Variants in ACO2 observed in about 807,000 individuals in gnomAD.
ACO2 encodes aconitate hydratase, mitochondrial.
A neutral mutation model predicts 84.5 loss-of-function variants in ACO2; 31 were observed. The ratio of observed to expected loss-of-function variants is 0.37; its 90% confidence interval spans 0.28 to 0.50. The LOEUF is 0.50. ACO2 is among the 20% of genes least tolerant of loss of function. The pLI is 0.97. For missense variants in ACO2, 685 were observed against 1,029.3 expected, an observed-to-expected ratio of 0.67 and a Z score of 4.58; for synonymous variants, 414 against 412.7, an observed-to-expected ratio of 1.00 and a Z score of -0.04.
chr22:41,484,365 T>C (rs2038125403), intron 1 of ACO2, among the ~76,000 whole-genome samples: 1 of 152,050 alleles, frequency 6.6e-6, no homozygotes. Flanking sequence ...CTTGGAGTCA[T>C]TGAGTATTAG....
intron 1 of ACO2, among the ~76,000 whole-genome samples, chr22:41,477,151 TA>T (rs1350179317): frequency 1.1e-3 from 161 of 149,522 alleles, no homozygotes; most frequent in African/African-American, 3.8e-3. Flanking sequence ...TTTATTTATT[TA>T]TTTATTTATT....
chr22:41,528,405 C>T (rs2066649029), intron 17 of ACO2, 74 bp from the exon 18 acceptor site: 2 of 1,568,136 alleles, frequency 1.3e-6, no homozygotes, highest in African/African-American at 1.4e-5. Context: ...AGTGCCCTGT[C>T]TCCCTGACCC....
At chr22:41,497,699 A>G (rs1231563882) in intron 1 of ACO2, among the ~76,000 whole-genome samples, 2 of 151,862 alleles carry the variant, frequency 1.3e-5, no homozygotes, top group African/African-American at 4.8e-5. Context: ...CCTGACCAAT[A>G]TGTAGAAACT....
At position 41,509,611 on chromosome 22, in the gene ACO2, C is replaced by T. The variant is rs534278506; in HGVS notation, c.432+1562C>T. Among the ~76,000 whole-genome samples the T allele has an allele frequency of 2.0e-5, 3 of 152,148 alleles. No homozygotes were observed. In the South Asian group the frequency reaches 6.2e-4, roughly 32 times the overall value. On this transcript the variant is annotated intron_variant, in intron 3 of 17. Transcript: ENST00000216254. Reference sequence around the variant, plus strand: ...TGGAGGAAGAACATGCTAGAAAGAACAGCATTTGCAAAGACCCTGAGCCAG... The same window carrying T: ...TGGAGGAAGAACATGCTAGAAAGAATAGCATTTGCAAAGACCCTGAGCCAG...
intron 17 of ACO2, 196 bp downstream of exon 17, chr22:41,528,218 C>T: frequency 1.1e-6 from 1 of 899,090 alleles, no homozygotes; most frequent in Middle Eastern, 3.5e-4. Context: ...GGGGCCCTCA[C>T]ACCTCCCCAA....
chr22:41,476,407 T>TAA lies in ACO2; in HGVS notation c.36+7242_36+7243dup, dbSNP rs760179812. Among the ~76,000 whole-genome samples the TAA allele has an allele frequency of 2.0e-3, 231 of 113,624 alleles. 2 individuals carry two copies. Among genetic ancestry groups the TAA allele is most frequent in the African/African-American group, 7.0e-3 (215 of 30,542 alleles). The allele number at this position is 113,624 out of a possible 152,430, so 74.5% of individuals were successfully genotyped here. On this transcript the variant is annotated intron_variant, in intron 1 of 17. Coordinates refer to ENST00000216254, the MANE Select transcript of ACO2 (RefSeq NM_001098.3). ...GGGCAACAAGAATGAAACTCTGTCT[T>TAA]AAAAAAAAAAAAAAAAAAGGCCAGA... is the stretch of plus-strand genomic sequence containing the variant.
intron 9 of ACO2, 133 bp from the exon 10 acceptor site, chr22:41,522,697 T>G (rs544097119): frequency 1.0e-6 from 1 of 965,582 alleles, no homozygotes; most frequent in Non-Finnish European, 1.5e-6. Flanking sequence ...GCAACTGGTC[T>G]CTGTTAAAAA....
rs145576677 is a variant in ACO2 at position 41,519,436 on chromosome 22, G to T, written c.1033-735G>T. ...CTGACGGAGGTTTACTGCATGCTGC[G>T]CACATAGCTGAGTGCCTCGCATTTA... On this transcript the variant is annotated intron_variant, in intron 8 of 17. Coordinates refer to ENST00000216254, the MANE Select transcript of ACO2 (RefSeq NM_001098.3). Among the ~76,000 whole-genome samples the T allele has an allele frequency of 2.4e-4, 37 of 152,286 alleles. 1 individual carries two copies. The highest frequency in any genetic ancestry group is 2.2e-3 in the Admixed American group (34 of 15,296).
At chr22:41,525,043 T>A in intron 13 of ACO2, 75 bp downstream of exon 13, 2 of 1,610,664 alleles carry the variant, frequency 1.2e-6, no homozygotes, top group Non-Finnish European at 1.7e-6. Flanking sequence ...CAGCACCTCC[T>A]GTGCAGGCAG....
chr22:41,507,872 C>T lies in ACO2; in HGVS notation c.255C>T (p.Gly85=), dbSNP rs565805751. The stretch of plus-strand genomic sequence containing the variant: ...CCGCCAGCCAGGAAATTGAGCGAGG[C>T]AAGTCGTACCTGCGGCTGCGGCCGG... ...DDPASQEIER[G]KSYLRLRPDR... The change falls in exon 3 of 18, where the codon GGC becomes GGT. Residue 85 remains glycine (G), a synonymous_variant. Coordinates refer to ENST00000216254, the MANE Select transcript of ACO2 (RefSeq NM_001098.3). The T allele has an allele frequency of 5.6e-6, 9 of 1,614,234 alleles. No homozygotes were observed. Among genetic ancestry groups the T allele is most frequent in the Non-Finnish European group, 7.6e-6 (9 of 1,180,032 alleles).
At position 41,525,264 on chromosome 22, in the gene ACO2, C is replaced by A. The variant is rs1431017425; in HGVS notation, c.1677C>A (p.Ser559Arg). 1 of 1,614,044 alleles carries A rather than the reference C, an allele frequency of 6.2e-7. No homozygotes were observed. The highest frequency in any genetic ancestry group is 1.1e-5 in the South Asian group (1 of 91,082). The change falls in exon 14 of 18, where the codon AGC becomes AGA. Residue 559 changes from serine to arginine, a missense_variant. Physicochemically the swap from Ser to Arg is moderately radical, Grantham distance 110. Transcript: ENST00000216254. ...KDSSGQHVDV[S>R]PTSQRLQLLE... ...GCAGCGGGCAGCATGTGGACGTGAG[C>A]CCCACCAGCCAGCGCCTGCAGCTCC...
At chr22:41,504,528 G>A in intron 2 of ACO2, among the ~76,000 whole-genome samples, 1 of 152,048 alleles carries the variant, frequency 6.6e-6, no homozygotes, top group Non-Finnish European at 1.5e-5. Context: ...AAGCCCATGT[G>A]CTATTTTTTG....
At chr22:41,527,025 T>C in intron 15 of ACO2, 1 of 554,844 alleles carries the variant, frequency 1.8e-6, no homozygotes, top group Non-Finnish European at 3.2e-6. Flanking sequence ...CACCTGCCTC[T>C]GCCAAGCACC....
At chr22:41,523,659 C>T (rs936577537) in intron 11 of ACO2, among the ~76,000 whole-genome samples, 171 bp from the exon 12 acceptor site, 1 of 152,190 alleles carries the variant, frequency 6.6e-6, no homozygotes, top group Non-Finnish European at 1.5e-5. Flanking sequence ...CCTGAGGTTC[C>T]CTTCTGCTCT....
In ACO2 at chr22:41,515,152, T is replaced by C. The variant is rs1012080631; in HGVS notation, c.526-225T>C. Among the ~76,000 whole-genome samples, 3 of 152,172 alleles carry C rather than the reference T, an allele frequency of 2.0e-5. No individual in the cohort carries two copies. Among genetic ancestry groups the C allele is most frequent in the Non-Finnish European group, 2.9e-5 (2 of 68,030 alleles). On this transcript the variant is annotated intron_variant, in intron 4 of 17. Transcript: ENST00000216254. The surrounding 1 kb of genome is among the most constrained non-coding windows in gnomAD (Gnocchi z 5.8). ...GCAGCATTCAAAGGCCCAAGACATATAGCAGGAAATATCAGAGCTATTCAA... is the reference window on the plus strand; with the variant it reads ...GCAGCATTCAAAGGCCCAAGACATACAGCAGGAAATATCAGAGCTATTCAA...
intron 2 of ACO2, among the ~76,000 whole-genome samples, chr22:41,501,849 C>A (rs967470466): frequency 6.6e-6 from 1 of 152,140 alleles, no homozygotes; most frequent in Non-Finnish European, 1.5e-5. Context: ...ATCTGGATCT[C>A]CAGCCTCCAG....
chr22:41,500,331 T>C (rs2066345019), intron 2 of ACO2, among the ~76,000 whole-genome samples: 1 of 147,660 alleles, frequency 6.8e-6, no homozygotes, highest in Non-Finnish European at 1.5e-5. Context: ...ATTTTATTTA[T>C]ATATATTTGA....
At chr22:41,500,300 A>AATTTTATTTT (rs796379447) in intron 2 of ACO2, among the ~76,000 whole-genome samples, 1 of 149,246 alleles carries the variant, frequency 6.7e-6, no homozygotes, top group Admixed American at 6.7e-5. Context: ...TTTTTAATTT[A>AATTTTATTTT]ATTTTATTTT....
At chr22:41,505,427 CAAT>C (rs59945427) in intron 2 of ACO2, among the ~76,000 whole-genome samples, 230 of 148,754 alleles carry the variant, frequency 1.5e-3, no homozygotes, top group Middle Eastern at 7.1e-3. Context: ...AAAATAATAA[CAAT>C]AATAATAATA....
Sources: allele counts gnomAD v4.1 joint callset (sites outside exome capture counted in the v4.1 genomes callset), GRCh38; gene constraint gnomAD v4.1.1; non-coding constraint Gnocchi (gnomAD v3.1); transcripts MANE v1.5; gene names NCBI Gene and HGNC (gene_info 2026-07-23, HGNC 2026-07-21).